The following CSMD2 variants were observed in gnomAD, a reference collection of about 807,000 sequenced individuals.
CSMD2 encodes the protein CUB and Sushi multiple domains 2, also known as CUB and sushi domain-containing protein 2.
CSMD2 carries 130 observed loss-of-function variants against 398.5 expected under a neutral mutation model. That is an observed-to-expected ratio of 0.33 (90% confidence interval 0.28 to 0.38). The LOEUF (loss-of-function observed/expected upper bound fraction) is 0.38, where lower values mean the gene tolerates loss of function less well. CSMD2 is among the 10% of genes least tolerant of loss of function. The pLI is 1.00. For synonymous variants in CSMD2, 1,828 were observed against 1,908.5 expected (o/e 0.96, Z 1.10); for missense variants, 3,829 against 4,764.9 (o/e 0.80, Z 5.78).
chr1:34,045,232 T>C (rs2148202560), intron 2 of CSMD2, among the ~76,000 whole-genome samples: 1 of 152,268 alleles, frequency 6.6e-6, no homozygotes, highest in South Asian at 2.1e-4. Context: ...GCTGGGGTTC[T>C]GTGGAAATCT....
intron 40 of CSMD2, 143 bp from the exon 41 acceptor site, chr1:33,611,393 G>T (rs1409013315): frequency 2.9e-6 from 2 of 686,346 alleles, no homozygotes; most frequent in Non-Finnish European, 5.0e-6. Context: ...AACTGGCTTT[G>T]GGAATTGCCC....
intron 1 of CSMD2, among the ~76,000 whole-genome samples, chr1:34,130,137 G>A (rs1307990359): frequency 6.6e-6 from 1 of 152,118 alleles, no homozygotes; most frequent in Non-Finnish European, 1.5e-5. Flanking sequence ...TGGGGGTACA[G>A]AGTCCCTGTA....
Position 33,724,684 on chromosome 1 carries a change from G to A in CSMD2, c.2716C>T (p.His906Tyr), listed in dbSNP as rs1286706993. ...ACTGGGATTCCTGGATCCAGACAGT[G>A]GTCTGACTGCAGTGTTATAGCTGAA... is the stretch of plus-strand genomic sequence containing the variant. ...RYETITLQSD[H>Y]CLDPGIPVNG... The change falls in exon 18 of 71, where the codon CAC becomes TAC. Residue 906 changes from histidine to tyrosine, a missense_variant. Physicochemically the swap from His to Tyr is moderately conservative, Grantham distance 83. Around this residue, in one of 5 missense-constraint regions of CSMD2, gnomAD observed 2,001 missense variants for 2,567.1 expected, o/e 0.78. Coordinates refer to ENST00000373381, the MANE Select transcript of CSMD2 (RefSeq NM_001281956.2). 3 of 1,614,078 alleles carry A rather than the reference G, an allele frequency of 1.9e-6. No homozygotes were observed. The Admixed American group carries it at 5.0e-5, about 27-fold the overall frequency.
At chr1:34,054,013 G>T (rs1653528870) in intron 2 of CSMD2, among the ~76,000 whole-genome samples, 1 of 152,096 alleles carries the variant, frequency 6.6e-6, no homozygotes, top group East Asian at 1.9e-4. Context: ...TTATATAAAA[G>T]CTGCAAAAAT....
At chr1:33,961,682 G>A (rs1381378853) in intron 3 of CSMD2, among the ~76,000 whole-genome samples, 1 of 152,128 alleles carries the variant, frequency 6.6e-6, no homozygotes, top group East Asian at 1.9e-4. Context: ...GCAGTAATGA[G>A]TGAGTTCTCA....
intron 3 of CSMD2, among the ~76,000 whole-genome samples, chr1:33,989,222 A>T (rs955561930): frequency 6.6e-6 from 1 of 151,792 alleles, no homozygotes; most frequent in Non-Finnish European, 1.5e-5. Context: ...AATGGTCAAT[A>T]AACAGGTGAA....
chr1:33,605,198 C>T, intron 42 of CSMD2, 84 bp downstream of exon 42: 5 of 1,295,370 alleles, frequency 3.9e-6, no homozygotes, highest in Non-Finnish European at 5.4e-6. Context: ...TCCCACAGAG[C>T]AGGTAGGTGG....
At chr1:33,712,251 C>T (rs889485225) in intron 21 of CSMD2, among the ~76,000 whole-genome samples, 1 of 152,098 alleles carries the variant, frequency 6.6e-6, no homozygotes, top group Non-Finnish European at 1.5e-5. Flanking sequence ...AGACTGGGGT[C>T]CCCTGGGGTC....
intron 5 of CSMD2, among the ~76,000 whole-genome samples, chr1:33,850,561 C>T (rs1638633836): frequency 6.6e-6 from 1 of 152,080 alleles, no homozygotes. Context: ...CCTGACTTCC[C>T]CCAGGATCCT....
chr1:33,741,404 C>T (rs925144635), intron 14 of CSMD2, among the ~76,000 whole-genome samples: 2 of 152,156 alleles, frequency 1.3e-5, no homozygotes, highest in Admixed American at 6.5e-5. Context: ...TGCATCCGAT[C>T]GCCTCAGAAG....
At chr1:33,935,669 C>T in intron 4 of CSMD2, 91 bp downstream of exon 4, 1 of 1,345,674 alleles carries the variant, frequency 7.4e-7, no homozygotes. Context: ...TGGGGTGTAG[C>T]TTTGCCCTTT....
At chr1:33,652,673 C>T (rs1052788347) in intron 27 of CSMD2, among the ~76,000 whole-genome samples, 2 of 152,158 alleles carry the variant, frequency 1.3e-5, no homozygotes, top group Admixed American at 6.5e-5. Context: ...CGCAACATTT[C>T]GAAAGTACCA....
chr1:34,060,761 A>G (rs1654402701), intron 2 of CSMD2, among the ~76,000 whole-genome samples: 1 of 151,922 alleles, frequency 6.6e-6, no homozygotes, highest in South Asian at 2.1e-4. Flanking sequence ...GCAGAAATGG[A>G]GTAACCAAAA....
intron 9 of CSMD2, 33 bp downstream of exon 9, chr1:33,819,680 C>T (rs761107489): frequency 1.3e-5 from 21 of 1,606,020 alleles, no homozygotes; most frequent in South Asian, 2.2e-5. Context: ...GCCCAACTCT[C>T]TGGCCAGCCT....
chr1:34,029,587 C>A (rs562318441), intron 3 of CSMD2, among the ~76,000 whole-genome samples: 1 of 152,322 alleles, frequency 6.6e-6, no homozygotes, highest in Admixed American at 6.5e-5. Flanking sequence ...ATAGCCCAGT[C>A]CCAAATCAAA....
chr1:33,648,809 T>C (rs1643600906), intron 28 of CSMD2, among the ~76,000 whole-genome samples: 1 of 152,202 alleles, frequency 6.6e-6, no homozygotes, highest in South Asian at 2.1e-4. Context: ...GCATCCACTT[T>C]ACAGTCCTGA....
chr1:33,586,691 G>T, intron 45 of CSMD2, 74 bp from the exon 46 acceptor site: 1 of 903,760 alleles, frequency 1.1e-6, no homozygotes, highest in Non-Finnish European at 1.8e-6. Flanking sequence ...ACTTCCAGGT[G>T]AGATAATCAG....
chr1:33,741,748 CT>C (rs1281315801), intron 14 of CSMD2, among the ~76,000 whole-genome samples: 1 of 152,176 alleles, frequency 6.6e-6, no homozygotes, highest in African/African-American at 2.4e-5. Context: ...GGTTAGTCTG[CT>C]GCCGTCATGA....
At chr1:34,068,758 T>C (rs962356237) in intron 2 of CSMD2, among the ~76,000 whole-genome samples, 14 of 152,190 alleles carry the variant, frequency 9.2e-5, no homozygotes, top group Middle Eastern at 3.2e-3. Context: ...TGGGAGGTAA[T>C]TGAATCATGG....
Sources: allele counts gnomAD v4.1 joint callset (sites outside exome capture counted in the v4.1 genomes callset), GRCh38; gene constraint gnomAD v4.1.1; regional missense constraint gnomAD v4.1.1; transcripts MANE v1.5; gene names NCBI Gene and HGNC (gene_info 2026-07-23, HGNC 2026-07-21).